The following NFILZ variants were observed in gnomAD, a reference collection of about 807,000 sequenced individuals.
NFILZ encodes the protein NFIL3 like basic leucine zipper.
chr19:8,657,040 G>A (rs2043007315), intron 3 of NFILZ, among the ~76,000 whole-genome samples: 1 of 152,042 alleles, frequency 6.6e-6, no homozygotes, highest in African/African-American at 2.4e-5. Flanking sequence ...CAGTATTCTG[G>A]GGGCTCTGCT....
intron 3 of NFILZ, among the ~76,000 whole-genome samples, chr19:8,656,793 G>T (rs562423860): frequency 6.6e-6 from 1 of 152,212 alleles, no homozygotes; most frequent in East Asian, 1.9e-4. Context: ...CTGAAGGGGG[G>T]TCTGGAGGTC....
At chr19:8,647,787 GCGCGCGCGCACA>G (rs71179875) in intron 3 of NFILZ, among the ~76,000 whole-genome samples, 99 of 94,950 alleles carry the variant, frequency 1.0e-3, no homozygotes, top group South Asian at 2.7e-3. Flanking sequence ...ATGCGCGCGC[GCGCGCGCGCACA>G]CACACACACA....
intron 3 of NFILZ, among the ~76,000 whole-genome samples, chr19:8,660,786 C>A (rs752949631): frequency 6.6e-6 from 1 of 151,704 alleles, no homozygotes; most frequent in South Asian, 2.1e-4. Flanking sequence ...TACAGGTGCC[C>A]ACCACCATGC....
intron 3 of NFILZ, among the ~76,000 whole-genome samples, chr19:8,667,157 A>G (rs2043065997): frequency 6.6e-6 from 1 of 152,120 alleles, no homozygotes; most frequent in Non-Finnish European, 1.5e-5. Context: ...CCAGCCTTAC[A>G]ATGCAAGGAA....
At chr19:8,652,995 C>CTTT (rs1600145512) in intron 3 of NFILZ, among the ~76,000 whole-genome samples, 48 of 42,510 alleles carry the variant, frequency 1.1e-3, no homozygotes, top group East Asian at 8.7e-3. Context: ...TTCCTTCCTT[C>CTTT]CTTCCTTCCT....
At chr19:8,641,370 T>C (rs1363900334) in intron 3 of NFILZ, among the ~76,000 whole-genome samples, 2 of 152,128 alleles carry the variant, frequency 1.3e-5, no homozygotes, top group Non-Finnish European at 2.9e-5. Flanking sequence ...GTTTCTTAAA[T>C]GTTTCTGGAC....
chr19:8,649,167 C>T (rs1015753050), intron 3 of NFILZ, among the ~76,000 whole-genome samples: 4 of 151,742 alleles, frequency 2.6e-5, no homozygotes, highest in East Asian at 2.0e-4. Flanking sequence ...GGTCTTGCCA[C>T]GTTGCCCAGG....
At chr19:8,648,805 G>T (rs2042953293) in intron 3 of NFILZ, among the ~76,000 whole-genome samples, 1 of 148,454 alleles carries the variant, frequency 6.7e-6, no homozygotes, top group South Asian at 2.1e-4. Context: ...AGTGAGTCAA[G>T]ACCATGCCAT....
rs2043121922 is a variant in NFILZ at position 8,678,071 on chromosome 19, TCCA to T, written c.*437_*439del. ...ATCCATCCACCCATCTATTCATCCA[TCCA>T]TCAATCCATCCATCCATTCCATCCA... is the stretch of plus-strand genomic sequence containing the variant. On this transcript the variant is annotated 3_prime_UTR_variant, in exon 6 of 6. Transcript: ENST00000691075. Among the ~76,000 whole-genome samples the T allele has an allele frequency of 2.3e-5, 2 of 87,926 alleles. No homozygotes were observed. The highest frequency in any genetic ancestry group is 4.6e-5 in the Non-Finnish European group (2 of 43,328). 57.7% of individuals were successfully genotyped at this position (87,926 alleles called of 152,430 possible). A position where few individuals can be genotyped will look rare whatever the true frequency, so the allele number is the denominator to read the frequency against.
chr19:8,664,764 G>A (rs1162124012), intron 3 of NFILZ, among the ~76,000 whole-genome samples: 1 of 152,064 alleles, frequency 6.6e-6, no homozygotes, highest in African/African-American at 2.4e-5. Context: ...TGAGTCAGAG[G>A]AAAGCCAGCT....
chr19:8,656,444 T>TGAAGCTCCCCTTCTCCC lies in NFILZ; in HGVS notation c.-163-18107_-163-18106insGAAGCTCCCCTTCTCCC, dbSNP rs2043000866. ...CCTCTTTCCGCAGCCCACCTTCTCC[T>TGAAGCTCCCCTTCTCCC]CGAAGCCCACCTTCTCTCTGAAGCC... On this transcript the variant is annotated intron_variant, in intron 3 of 5. Transcript: ENST00000691075. Among the ~76,000 whole-genome samples the TGAAGCTCCCCTTCTCCC allele has an allele frequency of 5.0e-5, 2 of 40,264 alleles. 1 individual carries two copies. The highest frequency in any genetic ancestry group is 1.8e-4 in the African/African-American group (2 of 11,364). 26.4% of individuals were successfully genotyped at this position (40,264 alleles called of 152,430 possible). A position where few individuals can be genotyped will look rare whatever the true frequency, so the allele number is the denominator to read the frequency against.
intron 3 of NFILZ, among the ~76,000 whole-genome samples, chr19:8,656,442 C>A (rs1279460184): frequency 1.2e-5 from 1 of 83,302 alleles, no homozygotes; most frequent in Non-Finnish European, 2.4e-5. Flanking sequence ...CCCACCTTCT[C>A]CTCGAAGCCC....
At position 8,647,793 on chromosome 19, in the gene NFILZ, G is replaced by GCACACA. The variant is rs1329041998; in HGVS notation, c.-164+12048_-164+12049insACACAC. Among the ~76,000 whole-genome samples, 497 of 69,610 alleles carry GCACACA rather than the reference G, an allele frequency of 7.1e-3. 2 individuals carry two copies. The highest frequency in any genetic ancestry group is 8.6e-3 in the Non-Finnish European group (313 of 36,190). The allele number at this position is 69,610 out of a possible 152,430, so 45.7% of individuals were successfully genotyped here. On this transcript the variant is annotated intron_variant, in intron 3 of 5. Coordinates refer to ENST00000691075, the MANE Select transcript of NFILZ (RefSeq NM_001378600.1). ...CACGCACACATGCGCGCGCGCGCGC[G>GCACACA]CGCACACACACACACACACACACAC...
intron 3 of NFILZ, among the ~76,000 whole-genome samples, chr19:8,640,285 A>T (rs1179622535): frequency 6.7e-6 from 1 of 150,074 alleles, no homozygotes; most frequent in African/African-American, 2.5e-5. Context: ...CAGTCTGGCC[A>T]ATGTAGCAAG....
At chr19:8,672,625 T>G (rs1555750385) in intron 3 of NFILZ, among the ~76,000 whole-genome samples, 1 of 101,714 alleles carries the variant, frequency 9.8e-6, no homozygotes, top group African/African-American at 4.5e-5. Context: ...TATTAGTTTA[T>G]TCAAAAAAAA....
At position 8,677,855 on chromosome 19, in the gene NFILZ, C is replaced by T. The variant is rs1391156544; in HGVS notation, c.*220C>T. ...TCTTGGATTCTACCATGGCTCTTGC[C>T]TTGCCTTAAAATCTATGCTTTGGGT... On this transcript the variant is annotated 3_prime_UTR_variant, in exon 6 of 6. Coordinates refer to ENST00000691075, the MANE Select transcript of NFILZ (RefSeq NM_001378600.1). 1.3e-5 allele frequency among the ~76,000 whole-genome samples: 2 copies of T among 152,058 alleles called. No homozygotes were observed. The highest frequency in any genetic ancestry group is 4.8e-5 in the African/African-American group (2 of 41,384).
intron 3 of NFILZ, among the ~76,000 whole-genome samples, chr19:8,662,490 G>A (rs2043036302): frequency 6.6e-6 from 1 of 152,152 alleles, no homozygotes; most frequent in African/African-American, 2.4e-5. Context: ...GCATTGGGGT[G>A]TTGGAGGAAC....
At chr19:8,653,011 C>CTTTCTTTCTTTCTTT (rs2042974022) in intron 3 of NFILZ, among the ~76,000 whole-genome samples, 2 of 52,876 alleles carry the variant, frequency 3.8e-5, no homozygotes, top group African/African-American at 8.1e-5. Flanking sequence ...TTCCTTCCTT[C>CTTTCTTTCTTTCTTT]CTTTCTTTCT....
chr19:8,678,545 C>CTCCA lies in NFILZ; in HGVS notation c.*926_*929dup, dbSNP rs118194575. Among the ~76,000 whole-genome samples the CTCCA allele has an allele frequency of 0.21, 31,605 of 148,862 alleles. 3,473 individuals are homozygous for CTCCA. The highest frequency in any genetic ancestry group is 0.36 in the South Asian group (1,662 of 4,670). On this transcript the variant is annotated 3_prime_UTR_variant, in exon 6 of 6. Transcript: ENST00000691075. ...TCATCCATTCATACATCAATTTATT[C>CTCCA]TCCATCCATCCATCCATCCTCATCC... is the stretch of plus-strand genomic sequence containing the variant.
Sources: gnomAD v4.1 joint callset for allele counts (sites outside exome capture counted in the v4.1 genomes callset) on GRCh38, gnomAD v4.1.1 for gene constraint, MANE v1.5 for transcripts, NCBI Gene and HGNC (gene_info 2026-07-23, HGNC 2026-07-21) for gene names.